Variants in GPD2 observed in about 807,000 individuals in gnomAD.
GPD2 encodes glycerol-3-phosphate dehydrogenase 2.
GPD2 carries 54 observed loss-of-function variants against 82.4 expected under a neutral mutation model. The ratio of observed to expected loss-of-function variants is 0.66; its 90% CI spans 0.53 to 0.82. The LOEUF is 0.82. Ranked by LOEUF, GPD2 falls within the 40% of genes least tolerant of loss-of-function variation. The pLI is 0.00. For missense variants in GPD2, 748 were observed against 896.2 expected (o/e 0.83, Z 2.11); for synonymous variants, 288 against 306.1 (o/e 0.94, Z 0.62).
At chr2:156,576,313 TG>T (rs1477960897) in intron 13 of GPD2, among the ~76,000 whole-genome samples, 4 of 152,208 alleles carry the variant, frequency 2.6e-5, no homozygotes, top group Admixed American at 2.6e-4. Context: ...TTCTGATAAT[TG>T]TATTGTATGA....
chr2:156,571,164 A>G lies in GPD2; in HGVS notation c.1639A>G (p.Thr547Ala), dbSNP rs770392919. Residue 547 changes from threonine (T) to alanine (A), a missense_variant, in exon 13 of 17, where the codon ACT becomes GCT. By Grantham distance (58) the Thr-to-Ala change is moderately conservative (BLOSUM62 0). This residue lies in a region of GPD2 where 692 missense variants were observed against 809.7 expected (regional missense o/e 0.85). Coordinates refer to ENST00000438166, the MANE Select transcript of GPD2 (RefSeq NM_000408.5). ...VKYGIKEYAC[T>A]AVDMISRRTR... Reference sequence around the variant, plus strand: ...ATATGGGATTAAGGAGTATGCCTGCACTGCTGTGGATATGATTTCACGTCG... The same window carrying G: ...ATATGGGATTAAGGAGTATGCCTGCGCTGCTGTGGATATGATTTCACGTCG... The G allele has an allele frequency of 1.2e-5, 20 of 1,610,750 alleles. No homozygotes were observed. In the Admixed American group the frequency reaches 3.0e-4, roughly 24 times the overall value.
intron 1 of GPD2, among the ~76,000 whole-genome samples, chr2:156,441,359 C>T (rs2105138613): frequency 6.6e-6 from 1 of 152,212 alleles, no homozygotes; most frequent in South Asian, 2.1e-4. Flanking sequence ...TGAGATCAGC[C>T]TGGGCCACGT....
At chr2:156,458,841 A>G (rs1402618754) in intron 1 of GPD2, among the ~76,000 whole-genome samples, 2 of 152,152 alleles carry the variant, frequency 1.3e-5, no homozygotes, top group Non-Finnish European at 2.9e-5. Flanking sequence ...AGAATAATTC[A>G]TGCTTATTTT....
rs1056266735 is a variant in GPD2, at chr2:156,541,223, A to G, written c.662-8385A>G. ...ATGTGGGACTTGAACTTAAGCATAT[A>G]CACCTGTGAAAGAAGCTTTGTAAAT... On this transcript the variant is annotated intron_variant, in intron 6 of 16. Coordinates refer to ENST00000438166, the MANE Select transcript of GPD2 (RefSeq NM_000408.5). Among the ~76,000 whole-genome samples the G allele has an allele frequency of 1.1e-4, 17 of 152,356 alleles. No homozygotes were observed. In the South Asian group the frequency reaches 3.5e-3, roughly 32 times the overall value.
intron 13 of GPD2, among the ~76,000 whole-genome samples, chr2:156,572,122 C>T (rs915066399): frequency 2.0e-5 from 3 of 152,082 alleles, no homozygotes; most frequent in Non-Finnish European, 4.4e-5. Flanking sequence ...ATTTTGCTTT[C>T]TGGAACACCA....
intron 6 of GPD2, among the ~76,000 whole-genome samples, chr2:156,519,886 A>G (rs1685335893): frequency 6.6e-6 from 1 of 152,238 alleles, no homozygotes; most frequent in South Asian, 2.1e-4. Flanking sequence ...TTGCCATCCA[A>G]GATGGCTAAG....
At chr2:156,422,867 A>C in the GPD2 span, among the ~76,000 whole-genome samples, 1 of 152,226 alleles carries the variant, frequency 6.6e-6, no homozygotes. Context: ...TATTGATAAT[A>C]ATTCTAATAT....
intron 6 of GPD2, among the ~76,000 whole-genome samples, chr2:156,538,384 A>G (rs774099112): frequency 6.6e-6 from 1 of 152,052 alleles, no homozygotes; most frequent in Admixed American, 6.6e-5. Flanking sequence ...CTTGGAGAAG[A>G]TGGTGGGGGA....
chr2:156,576,356 A>G (rs1218740527), intron 13 of GPD2, among the ~76,000 whole-genome samples: 1 of 152,206 alleles, frequency 6.6e-6, no homozygotes, highest in Non-Finnish European at 1.5e-5. Flanking sequence ...GAAATTATAC[A>G]ACATGGTATA....
intron 1 of GPD2, among the ~76,000 whole-genome samples, chr2:156,460,498 A>G (rs1682952459): frequency 1.3e-5 from 2 of 152,222 alleles, no homozygotes; most frequent in Non-Finnish European, 2.9e-5. Context: ...TTGGAAATTT[A>G]TACTCAGCTG....
chr2:156,457,349 G>A (rs1170361230), intron 1 of GPD2, among the ~76,000 whole-genome samples: 2 of 152,168 alleles, frequency 1.3e-5, no homozygotes, highest in African/African-American at 4.8e-5. Context: ...CCAATTGACA[G>A]ACTACTAGAG....
At chr2:156,576,070 C>G (rs1475600339) in intron 13 of GPD2, among the ~76,000 whole-genome samples, 1 of 152,160 alleles carries the variant, frequency 6.6e-6, no homozygotes, top group Non-Finnish European at 1.5e-5. Flanking sequence ...GGTAGAAAAA[C>G]AATTCCATCC....
intron 1 of GPD2, among the ~76,000 whole-genome samples, chr2:156,458,726 A>G (rs1682872929): frequency 6.6e-6 from 1 of 152,228 alleles, no homozygotes. Context: ...GATTTGGTCA[A>G]ATGTCAGCTA....
intron 2 of GPD2, among the ~76,000 whole-genome samples, chr2:156,491,638 A>T (rs752182151): frequency 6.6e-6 from 1 of 152,120 alleles, no homozygotes; most frequent in Non-Finnish European, 1.5e-5. Flanking sequence ...ATTTTTGCCT[A>T]CAGGCTTCTG....
chr2:156,538,664 CA>C (rs1225604809), intron 6 of GPD2, among the ~76,000 whole-genome samples: 8 of 151,240 alleles, frequency 5.3e-5, no homozygotes, highest in African/African-American at 1.9e-4. Flanking sequence ...ACTAAAAATA[CA>C]AAAAAATTAG....
intron 6 of GPD2, among the ~76,000 whole-genome samples, chr2:156,523,640 C>T (rs1041000829): frequency 7.9e-5 from 12 of 151,894 alleles, no homozygotes; most frequent in Non-Finnish European, 1.3e-4. Context: ...AACACAGCCA[C>T]ACCTAAATTG....
At chr2:156,554,759 T>C (rs540548360) in intron 8 of GPD2, among the ~76,000 whole-genome samples, 73 of 152,338 alleles carry the variant, frequency 4.8e-4, no homozygotes, top group Non-Finnish European at 8.2e-4. Context: ...TTTAGCCTAC[T>C]GGTGCTTTTT....
intron 13 of GPD2, 117 bp from the exon 14 acceptor site, chr2:156,578,772 T>C: frequency 1.5e-6 from 1 of 688,800 alleles, no homozygotes; most frequent in East Asian, 2.7e-5. Context: ...ATAAAAAAAT[T>C]GTGCTGGTTA....
chr2:156,407,648 G>C, the GPD2 span, among the ~76,000 whole-genome samples: 22 of 152,308 alleles, frequency 1.4e-4, no homozygotes, highest in African/African-American at 5.3e-4. Flanking sequence ...ATAATTACCT[G>C]AGCCAGTTCT....
Sources: gnomAD v4.1 joint callset for allele counts (sites outside exome capture counted in the v4.1 genomes callset) on GRCh38, gnomAD v4.1.1 for gene constraint, gnomAD v4.1.1 regional missense constraint, MANE v1.5 for transcripts, NCBI Gene and HGNC (gene_info 2026-07-23, HGNC 2026-07-21) for gene names.